The following SYNJ1 variants were observed in gnomAD, a reference collection of about 807,000 sequenced individuals.
The protein encoded by SYNJ1 is polyphosphatidylinositol phosphatase SYNJ1.
A neutral mutation model predicts 168.2 loss-of-function variants in SYNJ1; 78 were observed. That is an observed-to-expected ratio of 0.46 (90% confidence interval 0.39 to 0.56). The LOEUF (loss-of-function observed/expected upper bound fraction) is 0.56, where lower values mean the gene tolerates loss of function less well. SYNJ1 is among the 20% of genes least tolerant of loss of function. SYNJ1 has a pLI of 0.00. For synonymous variants in SYNJ1, 539 were observed against 548.6 expected, an observed-to-expected ratio of 0.98 and a Z score of 0.24; for missense variants, 1,303 against 1,597.6, an observed-to-expected ratio of 0.82 and a Z score of 3.14.
chr21:32,631,273 C>G lies in SYNJ1; in HGVS notation c.*532G>C. 6.2e-7 allele frequency: 1 copy of G among 1,614,234 alleles called. No homozygotes were observed. The highest frequency in any genetic ancestry group is 1.1e-5 in the South Asian group (1 of 91,084). On this transcript the variant is annotated 3_prime_UTR_variant, in exon 33 of 33. Coordinates refer to ENST00000674351, the MANE Select transcript of SYNJ1 (RefSeq NM_203446.3). ...AAATCCTCTTCTTCCTCGAAGGTTA[C>G]CCATCCTTTCGGGTTGCTAATTTTT...
At chr21:32,718,448 A>G (rs1429725929) in intron 2 of SYNJ1, among the ~76,000 whole-genome samples, 1 of 152,230 alleles carries the variant, frequency 6.6e-6, no homozygotes, top group Non-Finnish European at 1.5e-5. Context: ...AAGAAAATAA[A>G]TATGCACCTT....
intron 4 of SYNJ1, among the ~76,000 whole-genome samples, chr21:32,696,147 C>T (rs1013893801): frequency 6.6e-6 from 1 of 152,102 alleles, no homozygotes; most frequent in Non-Finnish European, 1.5e-5. Flanking sequence ...CCACCGCGCC[C>T]GCCCATGAAG....
At chr21:32,696,002 A>G (rs1377224339) in intron 4 of SYNJ1, among the ~76,000 whole-genome samples, 36 of 151,998 alleles carry the variant, frequency 2.4e-4, no homozygotes, top group Admixed American at 2.4e-3. Context: ...GCCCACCACC[A>G]TGCTTGGCTA....
At chr21:32,663,734 T>C (rs978087816) in intron 18 of SYNJ1, among the ~76,000 whole-genome samples, 2 of 152,328 alleles carry the variant, frequency 1.3e-5, no homozygotes, top group Middle Eastern at 3.4e-3. Context: ...TGGACCCCCA[T>C]TTACATGCTC....
intron 23 of SYNJ1, among the ~76,000 whole-genome samples, chr21:32,648,198 C>T (rs868277925): frequency 1.3e-5 from 2 of 152,198 alleles, no homozygotes; most frequent in Non-Finnish European, 2.9e-5. Flanking sequence ...TCCATTAGCA[C>T]TGTGCATTCT....
intron 2 of SYNJ1, among the ~76,000 whole-genome samples, chr21:32,704,057 A>C (rs1201283860): frequency 6.6e-6 from 1 of 152,126 alleles, no homozygotes. Flanking sequence ...GAAAACAGAG[A>C]AGTCATTCTA....
intron 32 of SYNJ1, 25 bp downstream of exon 32, chr21:32,634,836 G>T (rs1443881143): frequency 6.2e-7 from 1 of 1,612,748 alleles, no homozygotes; most frequent in Non-Finnish European, 8.5e-7. Context: ...GAAAACACAT[G>T]TAAGATTGAT....
In SYNJ1 at chr21:32,631,750, C is replaced by A. The variant is rs374594692; in HGVS notation, c.*55G>T. On this transcript the variant is annotated 3_prime_UTR_variant, in exon 33 of 33. Transcript: ENST00000674351. ...TTAAATGACAGATCTTCAAATGGGTCAATCTTTAATGGTGATTCTCTTTTG... is the reference window on the plus strand; with the variant it reads ...TTAAATGACAGATCTTCAAATGGGTAAATCTTTAATGGTGATTCTCTTTTG... 2 of 1,613,952 alleles carry A rather than the reference C, an allele frequency of 1.2e-6. No individual in the cohort carries two copies. The highest frequency in any genetic ancestry group is 1.7e-6 in the Non-Finnish European group (2 of 1,179,984).
chr21:32,656,796 C>A lies in SYNJ1; in HGVS notation c.2686G>T (p.Val896Leu). The A allele has an allele frequency of 1.2e-6, 2 of 1,614,150 alleles. No homozygotes were observed. Among genetic ancestry groups the A allele is most frequent in the Non-Finnish European group, 1.7e-6 (2 of 1,180,012 alleles). The part of the protein sequence containing the change: ...IAVQGPPDGT[V>L]LVSIKSSLPE... The stretch of plus-strand genomic sequence containing the variant: ...AAAGAACTTTTGATTGAGACCAATA[C>A]TGTACCATCTGGTGGACCCTGAACT... The change falls in exon 21 of 33, where the codon GTA becomes TTA. Residue 896 changes from valine to leucine, a missense_variant. Coordinates refer to ENST00000674351, the MANE Select transcript of SYNJ1 (RefSeq NM_203446.3).
At chr21:32,673,651 G>C in intron 13 of SYNJ1, 120 bp from the exon 14 acceptor site, 1 of 827,182 alleles carries the variant, frequency 1.2e-6, no homozygotes, top group Non-Finnish European at 1.7e-6. Flanking sequence ...GCACAAACAA[G>C]CAAAAGATAC....
chr21:32,701,873 A>C, intron 3 of SYNJ1, 88 bp downstream of exon 3: 2 of 939,388 alleles, frequency 2.1e-6, no homozygotes, highest in Non-Finnish European at 3.2e-6. Context: ...TGGAGTCTAC[A>C]ATAATTCATA....
chr21:32,647,092 C>G (rs1476993620), intron 23 of SYNJ1, among the ~76,000 whole-genome samples: 2 of 152,202 alleles, frequency 1.3e-5, no homozygotes. Context: ...TAAGTAAACA[C>G]TGGTTCTCCC....
In SYNJ1 at chr21:32,639,061, GGGCAAAGAAGACTGCGGA is replaced by G; in HGVS notation, c.3744_3761del (p.Gln1250_Pro1255del). Reference sequence around the variant, plus strand: ...GCTCTTGCAACCTTTGAGCAGGCGGGGGCAAAGAAGACTGCGGAGGAAAAGCAGCCTGAGGCTTCAGTG... The same window carrying G: ...GCTCTTGCAACCTTTGAGCAGGCGGGGGAAAAGCAGCCTGAGGCTTCAGTG... On this transcript the variant is annotated inframe_deletion, in exon 31 of 33. Coordinates refer to ENST00000674351, the MANE Select transcript of SYNJ1 (RefSeq NM_203446.3). 6.2e-7 allele frequency: 1 copy of G among 1,614,066 alleles called. No homozygotes were observed. The highest frequency in any genetic ancestry group is 8.5e-7 in the Non-Finnish European group (1 of 1,179,978).
At chr21:32,695,396 C>G in intron 4 of SYNJ1, 114 bp from the exon 5 acceptor site, 1 of 1,007,814 alleles carries the variant, frequency 9.9e-7, no homozygotes, top group Non-Finnish European at 1.4e-6. Flanking sequence ...AAGGCACAAA[C>G]AACAAATCAA....
At chr21:32,677,791 A>G (rs527913736) in intron 12 of SYNJ1, among the ~76,000 whole-genome samples, 1 of 152,292 alleles carries the variant, frequency 6.6e-6, no homozygotes, top group East Asian at 1.9e-4. Flanking sequence ...TTATTTGACC[A>G]AGTAATTACC....
intron 21 of SYNJ1, chr21:32,653,600 G>C (rs1284344578): frequency 4.6e-6 from 2 of 438,134 alleles, no homozygotes; most frequent in African/African-American, 4.0e-5. Context: ...AAATGAGTCT[G>C]TGCACCTCCA....
At chr21:32,679,248 A>G (rs2041531816) in intron 11 of SYNJ1, among the ~76,000 whole-genome samples, 1 of 152,196 alleles carries the variant, frequency 6.6e-6, no homozygotes, top group Non-Finnish European at 1.5e-5. Context: ...TTACTTTGGT[A>G]GTAGAAAAAG....
Position 32,727,986 on chromosome 21 carries a change from C to A in SYNJ1, c.-63G>T. The A allele has an allele frequency of 6.5e-7, 1 of 1,535,544 alleles. No individual in the cohort carries two copies. The highest frequency in any genetic ancestry group is 8.7e-7 in the Non-Finnish European group (1 of 1,145,924). ...CTCCTCCTCCTTCTCCCGCAGCCGC[C>A]GCCACAGCCGCCGGGAGCGTCACTT... On this transcript the variant is annotated 5_prime_UTR_variant, in exon 1 of 33. Coordinates refer to ENST00000674351, the MANE Select transcript of SYNJ1 (RefSeq NM_203446.3).
chr21:32,713,420 G>A (rs859793), intron 2 of SYNJ1, among the ~76,000 whole-genome samples: 2 of 109,440 alleles, frequency 1.8e-5, no homozygotes, highest in Non-Finnish European at 3.8e-5. Context: ...TTTCCCATAT[G>A]TCAACATGGA....
Sources: allele counts gnomAD v4.1 joint callset (sites outside exome capture counted in the v4.1 genomes callset), GRCh38; gene constraint gnomAD v4.1.1; transcripts MANE v1.5; gene names NCBI Gene and HGNC (gene_info 2026-07-23, HGNC 2026-07-21).